MICU3: variants seen among roughly 807,000 people sequenced by gnomAD.
MICU3 encodes the protein calcium uptake protein 3, mitochondrial.
A neutral mutation model predicts 66.5 loss-of-function variants in MICU3; 62 were observed. The ratio of observed to expected loss-of-function variants is 0.93; its 90% CI spans 0.76 to 1.15. The LOEUF (loss-of-function observed/expected upper bound fraction) is 1.15. Ranked by LOEUF, MICU3 falls within the 50% of genes most tolerant of loss-of-function variation. The pLI is 0.00. For missense variants in MICU3, 779 were observed against 664.4 expected (o/e 1.17, Z -1.90); for synonymous variants, 308 against 240.7 (o/e 1.28, Z -2.59).
chr8:17,091,654 A>G (rs763341930), intron 8 of MICU3, among the ~76,000 whole-genome samples: 1 of 152,092 alleles, frequency 6.6e-6, no homozygotes, highest in East Asian at 1.9e-4. Flanking sequence ...CCAAGTCCAT[A>G]GGATCCATAT....
intron 1 of MICU3, among the ~76,000 whole-genome samples, chr8:17,042,464 T>C (rs759356840): frequency 1.5e-4 from 23 of 152,222 alleles, no homozygotes; most frequent in Admixed American, 7.2e-4. Flanking sequence ...CATTTGTGTA[T>C]TAAACAGGAT....
rs373908698 is a variant in MICU3, at chr8:17,122,119, T to C, written c.*1832T>C. On this transcript the variant is annotated 3_prime_UTR_variant, in exon 15 of 15. Transcript: ENST00000318063. ...TCATTTTCCCAAGGAAGAATAGCAT[T>C]GTACATATGCAATCTTTATTTTATT... The C allele has an allele frequency of 8.6e-5, 13 of 152,020 alleles. 1 individual carries two copies. Among genetic ancestry groups the C allele is most frequent in the African/African-American group, 3.1e-4 (13 of 41,578 alleles). The allele number at this position is 152,020 out of a possible 1,614,324, so 9.4% of individuals were successfully genotyped here. A position where few individuals can be genotyped will look rare whatever the true frequency, so the allele number is the denominator to read the frequency against.
chr8:17,077,862 G>T lies in MICU3; in HGVS notation c.646+1G>T. 6.2e-7 allele frequency: 1 copy of T among 1,600,790 alleles called. No homozygotes were observed. The highest frequency in any genetic ancestry group is 8.6e-7 in the Non-Finnish European group (1 of 1,168,932). On this transcript the variant is annotated splice_donor_variant, in intron 4 of 14. Transcript: ENST00000318063. LOFTEE classifies it high-confidence loss of function. ...CTATTTCGAAATCTTAAAGAAAAAG[G>T]TGAGTTAACCTTAGTACTTGTTCTT...
chr8:17,071,269 T>C (rs1819546224), intron 3 of MICU3, among the ~76,000 whole-genome samples: 1 of 152,156 alleles, frequency 6.6e-6, no homozygotes, highest in Non-Finnish European at 1.5e-5. Context: ...CAGACATTTA[T>C]TTTCTCACGG....
At chr8:17,042,446 T>A (rs1814309991) in intron 1 of MICU3, among the ~76,000 whole-genome samples, 1 of 152,180 alleles carries the variant, frequency 6.6e-6, no homozygotes, top group South Asian at 2.1e-4. Flanking sequence ...TTAAAGAAAA[T>A]GCCTAGTCAT....
chr8:17,044,680 T>C (rs1056816210), intron 1 of MICU3, among the ~76,000 whole-genome samples: 1 of 152,358 alleles, frequency 6.6e-6, no homozygotes, highest in Admixed American at 6.5e-5. Flanking sequence ...TTTCCACATG[T>C]CCTCACTTTA....
In MICU3 at chr8:17,120,534, T is replaced by C. The variant is rs984575767; in HGVS notation, c.*247T>C. 1 of 152,180 alleles carries C rather than the reference T, an allele frequency of 6.6e-6. No homozygotes were observed. The highest frequency in any genetic ancestry group is 1.5e-5 in the Non-Finnish European group (1 of 67,962). The allele number at this position is 152,180 out of a possible 1,614,324, so 9.4% of individuals were successfully genotyped here. On this transcript the variant is annotated 3_prime_UTR_variant, in exon 15 of 15. Coordinates refer to ENST00000318063, the MANE Select transcript of MICU3 (RefSeq NM_181723.3). ...CTTTGCCTTGATTTGCTGAACTCTC[T>C]GCACTTTTTCATTCCCTTCAGAAGT...
At chr8:17,059,519 G>C (rs1277711053) in intron 1 of MICU3, among the ~76,000 whole-genome samples, 1 of 152,002 alleles carries the variant, frequency 6.6e-6, no homozygotes, top group Non-Finnish European at 1.5e-5. Context: ...TAGCAATAAG[G>C]CAACGAAAAT....
At chr8:17,064,705 A>T (rs2285262) in intron 2 of MICU3, among the ~76,000 whole-genome samples, 14,623 of 152,208 alleles carry the variant, frequency 0.096, 993 homozygotes, top group East Asian at 0.38. Context: ...ACATTCTTGC[A>T]AATCTCTTAA....
rs74425649 is a variant in MICU3 at position 17,029,530 on chromosome 8, A to T, written c.381+1870A>T. On this transcript the variant is annotated intron_variant, in intron 1 of 14. Coordinates refer to ENST00000318063, the MANE Select transcript of MICU3 (RefSeq NM_181723.3). ...ATTTATTTTGTACTTTTGTGCAGTT[A>T]TTATTGCTTAGTGTTTATAAAAATT... 8.3e-3 allele frequency among the ~76,000 whole-genome samples: 1,263 copies of T among 152,254 alleles called. 13 individuals are homozygous for T. Among genetic ancestry groups the T allele is most frequent in the African/African-American group, 0.029 (1,191 of 41,532 alleles).
intron 9 of MICU3, among the ~76,000 whole-genome samples, chr8:17,098,896 G>A (rs1194660609): frequency 6.6e-6 from 1 of 151,708 alleles, no homozygotes; most frequent in Non-Finnish European, 1.5e-5. Flanking sequence ...ACTCTTCAGA[G>A]TTATGTTAGA....
chr8:17,111,353 C>T (rs1802191668), intron 11 of MICU3, among the ~76,000 whole-genome samples: 5 of 151,854 alleles, frequency 3.3e-5, no homozygotes, highest in Admixed American at 2.6e-4. Context: ...GACAGGGTCT[C>T]ACTCTGTTAC....
chr8:17,118,903 C>G lies in MICU3; in HGVS notation c.*128C>G, dbSNP rs138360215. 7.0e-3 allele frequency: 3,857 copies of G among 552,518 alleles called. 20 individuals are homozygous for G. The highest frequency in any genetic ancestry group is 9.3e-3 in the Non-Finnish European group (3,139 of 338,258). The allele number at this position is 552,518 out of a possible 1,614,324, so 34.2% of individuals were successfully genotyped here. On this transcript the variant is annotated intron_variant, in intron 14 of 14. Coordinates refer to ENST00000318063, the MANE Select transcript of MICU3 (RefSeq NM_181723.3). ...TCTAATTTATTTTTAATTTTTAAGT[C>G]ATTAGAGTATCTTGATTGAAAAATT...
the MICU3 span, among the ~76,000 whole-genome samples, chr8:17,135,712 A>T: frequency 0.18 from 27,367 of 152,062 alleles, 3,043 homozygotes; most frequent in South Asian, 0.26. Context: ...TAATAGGATG[A>T]TCTCTGTAAT....
chr8:17,130,790 C>T, the MICU3 span, among the ~76,000 whole-genome samples: 175 of 152,004 alleles, frequency 1.2e-3, no homozygotes, highest in African/African-American at 3.8e-3. Flanking sequence ...AAAATGGGTA[C>T]AACAAATAGA....
intron 9 of MICU3, 40 bp downstream of exon 9, chr8:17,098,593 A>C (rs373476539): frequency 2.4e-6 from 3 of 1,226,322 alleles, no homozygotes; most frequent in Non-Finnish European, 3.6e-6. Context: ...ACTATTTGCC[A>C]TCTTGTTAAT....
intron 7 of MICU3, among the ~76,000 whole-genome samples, chr8:17,089,439 C>T (rs370464265): frequency 3.8e-4 from 58 of 151,914 alleles, no homozygotes; most frequent in African/African-American, 1.4e-3. Flanking sequence ...TACTACTTTA[C>T]TTAGAAAACA....
At chr8:17,089,385 A>C (rs1799806483) in intron 7 of MICU3, among the ~76,000 whole-genome samples, 1 of 152,056 alleles carries the variant, frequency 6.6e-6, no homozygotes, top group African/African-American at 2.4e-5. Context: ...ATTTTATATT[A>C]CTTTAGTTAT....
chr8:17,037,578 G>C (rs1813257498), intron 1 of MICU3, among the ~76,000 whole-genome samples: 1 of 152,200 alleles, frequency 6.6e-6, no homozygotes, highest in Non-Finnish European at 1.5e-5. Flanking sequence ...GAGAACCTCT[G>C]CTAGGGCAGT....
Sources: gnomAD v4.1 joint callset for allele counts (sites outside exome capture counted in the v4.1 genomes callset) on GRCh38, gnomAD v4.1.1 for gene constraint, MANE v1.5 for transcripts, NCBI Gene and HGNC (gene_info 2026-07-23, HGNC 2026-07-21) for gene names.